The following COL25A1 variants were observed in gnomAD, a reference collection of about 807,000 sequenced individuals.
COL25A1 encodes collagen type XXV alpha 1 chain.
A neutral mutation model predicts 128.4 loss-of-function variants in COL25A1; 103 were observed. The observed-to-expected ratio is 0.80, with a 90% confidence interval of 0.68 to 0.94. The LOEUF is 0.94. COL25A1 is among the 40% of genes least tolerant of loss of function. COL25A1 has a pLI of 0.00. For synonymous variants in COL25A1, 279 were observed against 277.2 expected, an observed-to-expected ratio of 1.01 and a Z score of -0.06; for missense variants, 745 against 840.0, an observed-to-expected ratio of 0.89 and a Z score of 1.40.
At position 109,254,509 on chromosome 4, in the gene COL25A1, A is replaced by ATATG. The variant is rs59126671; in HGVS notation, c.367+46073_367+46074insCATA. ...TATATATATATATATATATATATGT[A>ATATG]TGTGTGTATATACATATACATATAT... On this transcript the variant is annotated intron_variant, in intron 3 of 37. Coordinates refer to ENST00000399132, the MANE Select transcript of COL25A1 (RefSeq NM_198721.4). Among the ~76,000 whole-genome samples the ATATG allele has an allele frequency of 5.2e-4, 54 of 104,522 alleles. 2 individuals carry two copies. Among genetic ancestry groups the ATATG allele is most frequent in the African/African-American group, 2.0e-3 (53 of 27,016 alleles). The allele number at this position is 104,522 out of a possible 152,430, so 68.6% of individuals were successfully genotyped here.
intron 6 of COL25A1, among the ~76,000 whole-genome samples, chr4:108,980,068 T>C (rs1752822022): frequency 6.6e-6 from 1 of 152,066 alleles, no homozygotes; most frequent in Admixed American, 6.6e-5. Context: ...GGAGTGGAGA[T>C]AGAAAATAGC....
At chr4:108,983,187 A>AT (rs199603625) in intron 6 of COL25A1, among the ~76,000 whole-genome samples, 2,255 of 151,640 alleles carry the variant, frequency 0.015, 49 homozygotes, top group African/African-American at 0.051. Flanking sequence ...TTTAACTTTG[A>AT]TTTTTTTTTA....
chr4:109,246,505 T>C (rs1011084409), intron 3 of COL25A1, among the ~76,000 whole-genome samples: 8 of 152,190 alleles, frequency 5.3e-5, no homozygotes, highest in Non-Finnish European at 1.2e-4. Flanking sequence ...AAAAGTGATT[T>C]GATATTTTAC....
At chr4:109,209,502 C>A (rs1777320171) in intron 3 of COL25A1, among the ~76,000 whole-genome samples, 2 of 152,110 alleles carry the variant, frequency 1.3e-5, no homozygotes, top group African/African-American at 2.4e-5. Flanking sequence ...AACTCTATTT[C>A]TTTCCAGACA....
intron 3 of COL25A1, among the ~76,000 whole-genome samples, chr4:109,153,335 C>T (rs1214114685): frequency 1.3e-5 from 2 of 148,916 alleles, no homozygotes; most frequent in African/African-American, 5.0e-5. Flanking sequence ...GAGCCAAGAC[C>T]GCACCATTGC....
intron 26 of COL25A1, 125 bp from the exon 27 acceptor site, chr4:108,848,928 AAT>A (rs1735431415): frequency 1.4e-6 from 1 of 700,752 alleles, no homozygotes; most frequent in African/African-American, 1.8e-5. Flanking sequence ...ATAACCCGAG[AAT>A]ATTCTATTAT....
At chr4:108,953,003 C>G (rs556333444) in intron 8 of COL25A1, among the ~76,000 whole-genome samples, 8 of 151,988 alleles carry the variant, frequency 5.3e-5, no homozygotes, top group Non-Finnish European at 1.0e-4. Context: ...GGCATGCACC[C>G]TTAATGGTAG....
intron 3 of COL25A1, among the ~76,000 whole-genome samples, chr4:109,129,070 C>T (rs1768912674): frequency 6.6e-6 from 1 of 152,108 alleles, no homozygotes; most frequent in African/African-American, 2.4e-5. Flanking sequence ...GATGTACAAC[C>T]AGGCTTGGGA....
chr4:109,284,965 A>G (rs904129231), intron 3 of COL25A1, among the ~76,000 whole-genome samples: 1 of 152,046 alleles, frequency 6.6e-6, no homozygotes, highest in Admixed American at 6.6e-5. Context: ...TTACGAGACC[A>G]GCAAGAAAGT....
intron 13 of COL25A1, among the ~76,000 whole-genome samples, chr4:108,905,302 TAGGAAAAA>T (rs1363952759): frequency 6.6e-6 from 1 of 151,966 alleles, no homozygotes; most frequent in African/African-American, 2.4e-5. Flanking sequence ...AAAGATTTAG[TAGGAAAAA>T]AATGAAAAAA....
In COL25A1 at chr4:108,853,400, G is replaced by GTA. The variant is rs1736055710; in HGVS notation, c.1321-476_1321-475insTA. Reference sequence around the variant, plus strand: ...TTTGTGCGTGTGTGTGTGTGCGTGTGTGTGTGCCATAACTAAAGATATTAG... The same window carrying GTA: ...TTTGTGCGTGTGTGTGTGTGCGTGTGTATGTGTGCCATAACTAAAGATATTAG... On this transcript the variant is annotated intron_variant, in intron 24 of 37. Coordinates refer to ENST00000399132, the MANE Select transcript of COL25A1 (RefSeq NM_198721.4). Among the ~76,000 whole-genome samples the GTA allele has an allele frequency of 6.6e-5, 10 of 151,814 alleles. No individual in the cohort carries two copies. The South Asian group carries it at 2.1e-3, about 32-fold the overall frequency.
At chr4:108,976,457 T>C (rs1287701606) in intron 6 of COL25A1, among the ~76,000 whole-genome samples, 1 of 152,226 alleles carries the variant, frequency 6.6e-6, no homozygotes, top group Non-Finnish European at 1.5e-5. Context: ...CTGGGCCTCA[T>C]TGAGATTTTC....
intron 35 of COL25A1, chr4:108,823,797 T>C: frequency 1.7e-6 from 1 of 591,260 alleles, no homozygotes; most frequent in East Asian, 6.8e-5. Context: ...ACAAGTGAGA[T>C]GCTGCCTTTG....
intron 3 of COL25A1, among the ~76,000 whole-genome samples, chr4:109,218,773 T>C (rs959081560): frequency 6.6e-6 from 1 of 152,132 alleles, no homozygotes; most frequent in African/African-American, 2.4e-5. Flanking sequence ...AACCAAATCT[T>C]CAGCTGCCAT....
chr4:109,055,443 C>A (rs942453732), intron 3 of COL25A1, among the ~76,000 whole-genome samples: 1 of 152,184 alleles, frequency 6.6e-6, no homozygotes, highest in Admixed American at 6.5e-5. Flanking sequence ...GGCGAAACAA[C>A]CTGCCCACAG....
At chr4:109,247,042 C>A (rs1490894230) in intron 3 of COL25A1, among the ~76,000 whole-genome samples, 1 of 152,178 alleles carries the variant, frequency 6.6e-6, no homozygotes, top group Non-Finnish European at 1.5e-5. Flanking sequence ...TCCAGATCAG[C>A]TGGAACATAG....
chr4:109,147,451 C>CTT (rs1167608175), intron 3 of COL25A1, among the ~76,000 whole-genome samples: 8 of 152,150 alleles, frequency 5.3e-5, no homozygotes, highest in Non-Finnish European at 1.0e-4. Context: ...CAAATATTTA[C>CTT]TTTCAAAAAG....
rs1389114248 is a variant in COL25A1, at chr4:109,050,150, G to A, written c.397C>T (p.Arg133Ter). 2 of 1,608,478 alleles carry A rather than the reference G, an allele frequency of 1.2e-6. No homozygotes were observed. The highest frequency in any genetic ancestry group is 8.5e-7 in the Non-Finnish European group (1 of 1,176,472). The change falls in exon 4 of 38, where the codon CGA becomes TGA. Residue 133 changes from arginine (R) to a stop codon, truncating the protein, a stop_gained. Coordinates refer to ENST00000399132, the MANE Select transcript of COL25A1 (RefSeq NM_198721.4). LOFTEE classifies it high-confidence loss of function. ...AGAGACTTACCAGATTCTCCTCTTCGGCCTCTCTTACCTCGTTTCCCTGGA... is the reference window on the plus strand; with the variant it reads ...AGAGACTTACCAGATTCTCCTCTTCAGCCTCTCTTACCTCGTTTCCCTGGA... ...GPPGKRGKRG[R>*]RGESGPPGQP... is the part of the protein sequence containing the mutation.
chr4:108,905,797 T>C (rs1743409879), intron 13 of COL25A1, among the ~76,000 whole-genome samples: 1 of 147,736 alleles, frequency 6.8e-6, no homozygotes, highest in African/African-American at 2.6e-5. Flanking sequence ...TCCACTCCAT[T>C]GCATATGCAG....
Sources: allele counts gnomAD v4.1 joint callset (sites outside exome capture counted in the v4.1 genomes callset), GRCh38; gene constraint gnomAD v4.1.1; transcripts MANE v1.5; gene names NCBI Gene and HGNC (gene_info 2026-07-23, HGNC 2026-07-21).